FAM149A: variants seen among roughly 807,000 people sequenced by gnomAD.
FAM149A encodes protein FAM149A.
In FAM149A, 71 loss-of-function variants were observed where a neutral mutation model predicts 78.2. That is an observed-to-expected ratio of 0.91 (90% CI 0.75 to 1.11). The LOEUF is 1.11. FAM149A is among the 50% of genes least tolerant of loss of function. The pLI, the probability that FAM149A is intolerant of heterozygous loss-of-function variation, is 0.00. For synonymous variants in FAM149A, 446 were observed against 410.5 expected (o/e 1.09, Z -1.04); for missense variants, 1,036 against 971.0 (o/e 1.07, Z -0.89).
chr4:186,137,516 T>C (rs1362682030), intron 1 of FAM149A, among the ~76,000 whole-genome samples: 1 of 152,090 alleles, frequency 6.6e-6, no homozygotes, highest in African/African-American at 2.4e-5. Flanking sequence ...TCCCTATCTA[T>C]TCTGGAATGA....
In FAM149A at chr4:186,130,476, G is replaced by A. The variant is rs185151064; in HGVS notation, c.567-18697G>A. Among the ~76,000 whole-genome samples, 6 of 151,222 alleles carry A rather than the reference G, an allele frequency of 4.0e-5. No individual in the cohort carries two copies. In the East Asian group the frequency reaches 1.2e-3, roughly 30 times the overall value. Reference sequence around the variant, plus strand: ...TGCAGCCTCTACCTGCTCGGGGTCAGGTGATCCTCCCACCTCAGCCTCCCC... The same window carrying A: ...TGCAGCCTCTACCTGCTCGGGGTCAAGTGATCCTCCCACCTCAGCCTCCCC... On this transcript the variant is annotated intron_variant, in intron 1 of 13. Transcript: ENST00000389354.
chr4:186,134,978 G>T (rs1333669076), intron 1 of FAM149A, among the ~76,000 whole-genome samples: 2 of 152,186 alleles, frequency 1.3e-5, no homozygotes, highest in Non-Finnish European at 2.9e-5. Flanking sequence ...ATGTATAACA[G>T]ATGAATCAGG....
intron 13 of FAM149A, chr4:186,167,494 G>A (rs944970617): frequency 4.1e-5 from 19 of 467,908 alleles, no homozygotes; most frequent in Non-Finnish European, 5.0e-5. Flanking sequence ...AGCTCTCAAT[G>A]AACTGGGGGC....
At position 186,157,548 on chromosome 4, in the gene FAM149A, T is replaced by C. The variant is rs1422922062; in HGVS notation, c.1421-17T>C. ...AATCTGATGTTTCTTGTAATATTGATTCTTCTGTTGACACAGAAGGGAAAA... is the reference window on the plus strand; with the variant it reads ...AATCTGATGTTTCTTGTAATATTGACTCTTCTGTTGACACAGAAGGGAAAA... On this transcript the variant is annotated splice_polypyrimidine_tract_variant and intron_variant, in intron 7 of 13. Coordinates refer to ENST00000389354, the MANE Select transcript of FAM149A (RefSeq NM_001367768.3). The C allele has an allele frequency of 6.2e-7, 1 of 1,607,370 alleles. No individual in the cohort carries two copies. Among genetic ancestry groups the C allele is most frequent in the Admixed American group, 1.7e-5 (1 of 59,902 alleles).
In FAM149A at chr4:186,125,892, T is replaced by A; in HGVS notation, c.566+20250T>A. 3 of 985,360 alleles carry A rather than the reference T, an allele frequency of 3.0e-6. No individual in the cohort carries two copies. In the South Asian group the frequency reaches 1.4e-4, roughly 46 times the overall value. 61.0% of individuals were successfully genotyped at this position (985,360 alleles called of 1,614,324 possible). A position where few individuals can be genotyped will look rare whatever the true frequency, so the allele number is the denominator to read the frequency against. On this transcript the variant is annotated intron_variant, in intron 1 of 13. Transcript: ENST00000389354. ...AGGAGTGGAATCACACGAACGAGTG[T>A]GGCACCCTCTCTGTGTCCTGCAGAC...
chr4:186,132,946 G>C (rs2099321354), intron 1 of FAM149A: 9 of 983,784 alleles, frequency 9.1e-6, no homozygotes, highest in Non-Finnish European at 1.1e-5. Flanking sequence ...CCAGTGTGAT[G>C]GTATTTGGAG....
intron 3 of FAM149A, chr4:186,151,083 A>T: frequency 1.0e-6 from 1 of 984,824 alleles, no homozygotes; most frequent in Non-Finnish European, 1.2e-6. Context: ...TGCAGCTGTG[A>T]TTCTCAGGGG....
intron 1 of FAM149A, among the ~76,000 whole-genome samples, chr4:186,119,767 G>A (rs1393767825): frequency 1.3e-5 from 2 of 152,214 alleles, no homozygotes; most frequent in East Asian, 3.9e-4. Context: ...GGTAAAGTGG[G>A]GATGTATTGT....
At position 186,156,138 on chromosome 4, in the gene FAM149A, G is replaced by T. The variant is rs1734019125; in HGVS notation, c.1368G>T (p.Met456Ile). ...TGTTTGATCACGTCTGGACAAATAT[G>T]GTAGAACTTTTGGAAGAGCTGATTA... The change falls in exon 7 of 14, where the codon ATG (methionine) becomes ATT (isoleucine). Residue 456 changes from methionine to isoleucine, a missense_variant. By Grantham distance (10) the Met-to-Ile change is conservative. Transcript: ENST00000389354. 1 of 1,613,424 alleles carries T rather than the reference G, an allele frequency of 6.2e-7. No individual in the cohort carries two copies. Among genetic ancestry groups the T allele is most frequent in the Admixed American group, 1.7e-5 (1 of 59,924 alleles).
At chr4:186,154,804 A>T (rs35459248) in intron 6 of FAM149A, 166 bp downstream of exon 6, 20 of 985,056 alleles carry the variant, frequency 2.0e-5, no homozygotes, top group Non-Finnish European at 2.4e-5. Context: ...ATTCCTAGCC[A>T]GCGGTGCACG....
chr4:186,162,978 A>G (rs1177144289), intron 9 of FAM149A, 30 bp downstream of exon 9: 1 of 1,258,566 alleles, frequency 7.9e-7, no homozygotes, highest in Non-Finnish European at 1.2e-6. Flanking sequence ...GTAGTTACCC[A>G]GCCTCTTCCC....
At chr4:186,109,311 CT>C (rs60560568) in intron 1 of FAM149A, 15,710 of 557,106 alleles carry the variant, frequency 0.028, 10 homozygotes, top group Middle Eastern at 0.035. Context: ...TATATTCACT[CT>C]TTTTTTTTTT....
In FAM149A at chr4:186,167,237, A is replaced by G; in HGVS notation, c.2193A>G (p.Thr731=). The G allele has an allele frequency of 3.7e-6, 6 of 1,613,350 alleles. No individual in the cohort carries two copies. The highest frequency in any genetic ancestry group is 5.1e-6 in the Non-Finnish European group (6 of 1,179,232). ...CACAAATGGAATTTGCTGCTCACACATGGACAGGTCAAAGTATTTTGACAG... is the reference window on the plus strand; with the variant it reads ...CACAAATGGAATTTGCTGCTCACACGTGGACAGGTCAAAGTATTTTGACAG... The change falls in exon 13 of 14, where the codon ACA becomes ACG. Residue 731 remains threonine, a synonymous_variant. Coordinates refer to ENST00000389354, the MANE Select transcript of FAM149A (RefSeq NM_001367768.3).
At chr4:186,155,650 G>A (rs998910102) in intron 6 of FAM149A, among the ~76,000 whole-genome samples, 1 of 151,946 alleles carries the variant, frequency 6.6e-6, no homozygotes, top group African/African-American at 2.4e-5. Flanking sequence ...TGCCTACATT[G>A]AGAAAAAAGA....
At position 186,173,001 on chromosome 4, in the gene FAM149A, T is replaced by C. The variant is rs1408260435; in HGVS notation, c.*1014T>C. Among the ~76,000 whole-genome samples, 4 of 112,146 alleles carry C rather than the reference T, an allele frequency of 3.6e-5. 1 individual carries two copies. The highest frequency in any genetic ancestry group is 6.7e-5 in the Non-Finnish European group (3 of 44,478). 73.6% of individuals were successfully genotyped at this position (112,146 alleles called of 152,430 possible). On this transcript the variant is annotated 3_prime_UTR_variant, in exon 14 of 14. Coordinates refer to ENST00000389354, the MANE Select transcript of FAM149A (RefSeq NM_001367768.3). ...TTACACTCATTTTTACATTCTCAAA[T>C]CTCAAATCAGCTAATTTCCTCTTTT...
chr4:186,142,477 G>A (rs186136522), intron 1 of FAM149A, among the ~76,000 whole-genome samples: 31 of 152,322 alleles, frequency 2.0e-4, no homozygotes, highest in African/African-American at 7.5e-4. Flanking sequence ...ACGGCTGTAG[G>A]TTCTTCCCAT....
chr4:186,144,994 C>G lies in FAM149A; in HGVS notation c.567-4179C>G, dbSNP rs989058623. The G allele has an allele frequency of 2.1e-4, 209 of 978,956 alleles. No individual in the cohort carries two copies. The highest frequency in any genetic ancestry group is 2.5e-4 in the Non-Finnish European group (203 of 827,524). 60.6% of individuals were successfully genotyped at this position (978,956 alleles called of 1,614,324 possible). ...AGCCCCAGCCCCGGGGCCGCGGGGG[C>G]GCGTGACCGGCTGTCTGCGTGGGGC... On this transcript the variant is annotated intron_variant, in intron 1 of 13. Transcript: ENST00000389354. The surrounding 1 kb of genome is among the most constrained non-coding windows in gnomAD (Gnocchi z 4.2).
chr4:186,163,445 A>C lies in FAM149A; in HGVS notation c.1701A>C (p.Ala567=), dbSNP rs142433218. 1.7e-5 allele frequency: 28 copies of C among 1,613,742 alleles called. No individual in the cohort carries two copies. The highest frequency in any genetic ancestry group is 2.4e-5 in the Non-Finnish European group (28 of 1,180,024). Reference sequence around the variant, plus strand: ...CCAGGAATGAGAAGGAGGACAAAGCATCGGGTGGAGGGGCAGGTGCTCTCT... The same window carrying C: ...CCAGGAATGAGAAGGAGGACAAAGCCTCGGGTGGAGGGGCAGGTGCTCTCT... Residue 567 remains alanine (A), a synonymous_variant, in exon 10 of 14, where the codon GCA becomes GCC. Transcript: ENST00000389354.
chr4:186,150,651 C>A (rs548053637), intron 3 of FAM149A, among the ~76,000 whole-genome samples: 1 of 146,222 alleles, frequency 6.8e-6, no homozygotes, highest in Non-Finnish European at 1.5e-5. Context: ...GATCTCCTGA[C>A]CTCGTGATCC....
Sources: allele counts gnomAD v4.1 joint callset (sites outside exome capture counted in the v4.1 genomes callset), GRCh38; gene constraint gnomAD v4.1.1; non-coding constraint Gnocchi (gnomAD v3.1); transcripts MANE v1.5; gene names NCBI Gene and HGNC (gene_info 2026-07-23, HGNC 2026-07-21).